Variants in LNPEP observed in about 807,000 individuals in gnomAD.
The protein encoded by LNPEP is leucyl-cystinyl aminopeptidase.
Under a neutral mutation model 120.6 loss-of-function variants are expected in LNPEP, and 64 were observed. That is an observed-to-expected ratio of 0.53 (90% CI 0.43 to 0.65). LNPEP has a LOEUF of 0.65. Ranked by LOEUF, LNPEP falls within the 30% of genes least tolerant of loss-of-function variation. The pLI, the probability that LNPEP is intolerant of heterozygous loss-of-function variation, is 0.00. For missense variants in LNPEP, 1,057 were observed against 1,200.0 expected (o/e 0.88, Z 1.76); for synonymous variants, 435 against 425.4 (o/e 1.02, Z -0.28).
At chr5:96,996,189 A>G (rs572363374) in intron 6 of LNPEP, 1 of 394,218 alleles carries the variant, frequency 2.5e-6, no homozygotes, top group African/African-American at 2.1e-5. Context: ...TAAAAATTAT[A>G]TTTTATTTTT....
chr5:96,943,052 G>A lies in LNPEP; in HGVS notation c.19+6878G>A, dbSNP rs1041050971. ...AAGAAAAACTTCTTATGAAGGTTCT[G>A]AGACATGGTATTGTTTCCAGATGAG... is the stretch of plus-strand genomic sequence containing the variant. On this transcript the variant is annotated intron_variant, in intron 1 of 17. Transcript: ENST00000231368. The A allele has an allele frequency of 1.2e-5, 3 of 250,002 alleles. No homozygotes were observed. In the South Asian group the frequency reaches 2.3e-4, roughly 19 times the overall value. The allele number at this position is 250,002 out of a possible 1,614,324, so 15.5% of individuals were successfully genotyped here.
In LNPEP at chr5:97,008,726, G is replaced by A. The variant is rs1353642021; in HGVS notation, c.2035+2211G>A. ...GTTGCCCAGGTGAGAGTGCAGTGGCGCGATCTCAGCTCACTGCAAGCTCCG... is the reference window on the plus strand; with the variant it reads ...GTTGCCCAGGTGAGAGTGCAGTGGCACGATCTCAGCTCACTGCAAGCTCCG... On this transcript the variant is annotated intron_variant, in intron 11 of 17. Transcript: ENST00000231368. Among the ~76,000 whole-genome samples the A allele has an allele frequency of 3.4e-5, 5 of 145,176 alleles. No individual in the cohort carries two copies. In the South Asian group the frequency reaches 1.1e-3, roughly 32 times the overall value.
At chr5:96,972,256 T>TA (rs78883580) in intron 1 of LNPEP, among the ~76,000 whole-genome samples, 2,491 of 152,164 alleles carry the variant, frequency 0.016, 52 homozygotes, top group South Asian at 0.087. Flanking sequence ...CTGTGGATTT[T>TA]ATTAGGGCTT....
In LNPEP at chr5:97,022,304, G is replaced by A. The variant is rs1216857628; in HGVS notation, c.2381G>A (p.Arg794Lys). The part of the protein sequence containing the change: ...YMDLASRLVT[R>K]VFKLLQNQIQ... ...TAATCTATTTTGTCTCTCTAGACTA[G>A]GGTATTTAAATTACTTCAAAACCAA... Residue 794 changes from arginine to lysine, a missense_variant, in exon 14 of 18, where the codon AGG becomes AAG. Transcript: ENST00000231368. 6 of 1,574,464 alleles carry A rather than the reference G, an allele frequency of 3.8e-6. No homozygotes were observed. Among genetic ancestry groups the A allele is most frequent in the Non-Finnish European group, 5.2e-6 (6 of 1,147,120 alleles).
chr5:97,006,123 G>A lies in LNPEP; in HGVS notation c.1836G>A (p.Leu612=), dbSNP rs1441606966. The A allele has an allele frequency of 1.9e-6, 3 of 1,592,716 alleles. No individual in the cohort carries two copies. The highest frequency in any genetic ancestry group is 8.6e-7 in the Non-Finnish European group (1 of 1,168,216). Residue 612 remains leucine (L), a synonymous_variant, in exon 10 of 18, where the codon CTG becomes CTA. Transcript: ENST00000231368. ...DVKRMMKTWT[L]QKGFPLVTVQ... The stretch of plus-strand genomic sequence containing the variant: ...AGAGAATGATGAAAACCTGGACCCT[G>A]CAGAAAGGATTTCCTTTAGTGACTG...
intron 1 of LNPEP, among the ~76,000 whole-genome samples, chr5:96,946,660 A>G (rs1013340646): frequency 6.6e-6 from 1 of 152,232 alleles, no homozygotes; most frequent in African/African-American, 2.4e-5. Flanking sequence ...CTAATTTTTT[A>G]AGTTGGTTAA....
intron 1 of LNPEP, among the ~76,000 whole-genome samples, chr5:96,940,691 G>C (rs2910789): frequency 0.4 from 61,032 of 151,680 alleles, 12,294 homozygotes; most frequent in Non-Finnish European, 0.43. Flanking sequence ...TATTAACCCT[G>C]TCTATGAAAA....
At chr5:97,026,870 T>C in intron 16 of LNPEP, 113 bp downstream of exon 16, 1 of 809,238 alleles carries the variant, frequency 1.2e-6, no homozygotes, top group Non-Finnish European at 2.0e-6. Context: ...GGAAAAATAC[T>C]TCCATGACAG....
intron 15 of LNPEP, among the ~76,000 whole-genome samples, chr5:97,025,876 A>G (rs1209324308): frequency 2.0e-5 from 3 of 152,156 alleles, no homozygotes; most frequent in African/African-American, 7.2e-5. Flanking sequence ...CCCTATCATA[A>G]TTTATTTAAT....
At chr5:97,020,230 G>T (rs1791160457) in intron 13 of LNPEP, among the ~76,000 whole-genome samples, 1 of 152,002 alleles carries the variant, frequency 6.6e-6, no homozygotes, top group African/African-American at 2.4e-5. Context: ...TTCATTTTAG[G>T]TATTGACAGT....
intron 1 of LNPEP, among the ~76,000 whole-genome samples, chr5:96,964,626 C>T (rs1789684207): frequency 6.6e-6 from 1 of 151,990 alleles, no homozygotes. Flanking sequence ...CTGCTGTAAA[C>T]ATTCTTATAT....
At chr5:96,954,711 CACATATATATACAT>C (rs1789406690) in intron 1 of LNPEP, among the ~76,000 whole-genome samples, 1 of 96,292 alleles carries the variant, frequency 1.0e-5, no homozygotes, top group African/African-American at 4.2e-5. Context: ...TACATATATA[CACATATATATACAT>C]ATATATATAC....
chr5:97,020,659 G>A (rs187222562), intron 13 of LNPEP, among the ~76,000 whole-genome samples: 33 of 152,066 alleles, frequency 2.2e-4, no homozygotes, highest in South Asian at 6.2e-4. Flanking sequence ...AAAATTAGCC[G>A]GATGTGGTGG....
chr5:96,948,570 T>G (rs1255323154), intron 1 of LNPEP, among the ~76,000 whole-genome samples: 1 of 152,238 alleles, frequency 6.6e-6, no homozygotes, highest in Non-Finnish European at 1.5e-5. Context: ...CATTAAAATA[T>G]TCCTTTACTG....
At chr5:96,959,933 CTTTT>C (rs11316262) in intron 1 of LNPEP, among the ~76,000 whole-genome samples, 2 of 113,200 alleles carry the variant, frequency 1.8e-5, no homozygotes, top group African/African-American at 3.4e-5. Context: ...TAAAATTTAT[CTTTT>C]TTTTTTTTTT....
At chr5:96,969,675 T>C (rs1317984647) in intron 1 of LNPEP, among the ~76,000 whole-genome samples, 1 of 151,948 alleles carries the variant, frequency 6.6e-6, no homozygotes, top group East Asian at 1.9e-4. Flanking sequence ...TTTCCTGCCC[T>C]CTAGCAGCAT....
intron 15 of LNPEP, among the ~76,000 whole-genome samples, chr5:97,026,016 G>C (rs964462429): frequency 6.6e-6 from 1 of 152,094 alleles, no homozygotes; most frequent in Non-Finnish European, 1.5e-5. Context: ...TTGTTCAGAT[G>C]TCGGGCTTTG....
rs1789417391 is a variant in LNPEP at position 96,954,770 on chromosome 5, A to ATT, written c.19+18597_19+18598insTT. On this transcript the variant is annotated intron_variant, in intron 1 of 17. Transcript: ENST00000231368. ...TACACATATATATATATATATATAT[A>ATT]TATTTTTTTTTTTTTTTTTTTTTTT... 2.7e-4 allele frequency among the ~76,000 whole-genome samples: 8 copies of ATT among 29,486 alleles called. 2 individuals are homozygous for ATT. Among genetic ancestry groups the ATT allele is most frequent in the Non-Finnish European group, 3.5e-4 (5 of 14,344 alleles). The allele number at this position is 29,486 out of a possible 152,430, so 19.3% of individuals were successfully genotyped here.
intron 4 of LNPEP, among the ~76,000 whole-genome samples, chr5:96,990,575 C>T (rs982027698): frequency 2.0e-5 from 3 of 152,056 alleles, no homozygotes; most frequent in African/African-American, 7.3e-5. Context: ...GACATTGTGT[C>T]ACGCACTAAT....
Sources: allele counts gnomAD v4.1 joint callset (sites outside exome capture counted in the v4.1 genomes callset), GRCh38; gene constraint gnomAD v4.1.1; transcripts MANE v1.5; gene names NCBI Gene and HGNC (gene_info 2026-07-23, HGNC 2026-07-21).